Variants in ARHGAP26 observed in about 807,000 individuals in gnomAD.
ARHGAP26 encodes Rho GTPase activating protein 26.
In ARHGAP26, 38 loss-of-function variants were observed where a neutral mutation model predicts 104.8. The ratio of observed to expected loss-of-function variants is 0.36; its 90% confidence interval spans 0.28 to 0.48. The LOEUF is 0.48. Ranked by LOEUF, ARHGAP26 falls within the 20% of genes least tolerant of loss-of-function variation. The pLI, the probability that ARHGAP26 is intolerant of heterozygous loss-of-function variation, is 0.99. For missense variants in ARHGAP26, 704 were observed against 947.9 expected, an observed-to-expected ratio of 0.74 and a Z score of 3.38; for synonymous variants, 341 against 340.0, an observed-to-expected ratio of 1.00 and a Z score of -0.03.
chr5:142,961,158 A>G (rs1339379130), intron 11 of ARHGAP26, among the ~76,000 whole-genome samples: 1 of 152,144 alleles, frequency 6.6e-6, no homozygotes, highest in Non-Finnish European at 1.5e-5. Flanking sequence ...GATCAGAGCC[A>G]GGCACACAGT....
chr5:142,986,003 AT>A (rs1453496439), intron 11 of ARHGAP26, among the ~76,000 whole-genome samples: 1 of 152,112 alleles, frequency 6.6e-6, no homozygotes, highest in East Asian at 1.9e-4. Context: ...ATGATTTATA[AT>A]TCCTTTGGTA....
intron 6 of ARHGAP26, among the ~76,000 whole-genome samples, chr5:142,898,317 T>C (rs914849894): frequency 6.6e-6 from 1 of 152,192 alleles, no homozygotes; most frequent in African/African-American, 2.4e-5. Flanking sequence ...AGATTTGGAT[T>C]GCAGATAATG....
intron 11 of ARHGAP26, among the ~76,000 whole-genome samples, chr5:143,002,647 C>T (rs1040638955): frequency 6.6e-6 from 1 of 152,226 alleles, no homozygotes; most frequent in African/African-American, 2.4e-5. Flanking sequence ...CTGTCATGCA[C>T]TTGATAGCAA....
At chr5:143,162,853 C>T (rs1157855415) in intron 20 of ARHGAP26, among the ~76,000 whole-genome samples, 1 of 152,100 alleles carries the variant, frequency 6.6e-6, no homozygotes, top group East Asian at 1.9e-4. Flanking sequence ...AGACACTATT[C>T]CAGGGTACAG....
intron 11 of ARHGAP26, among the ~76,000 whole-genome samples, chr5:142,974,168 A>C (rs538399871): frequency 4.7e-5 from 7 of 149,512 alleles, no homozygotes; most frequent in African/African-American, 1.7e-4. Flanking sequence ...TTCCGTTGCT[A>C]TCCTGTTCCA....
intron 11 of ARHGAP26, among the ~76,000 whole-genome samples, chr5:142,951,296 G>A (rs2152608671): frequency 6.6e-6 from 1 of 152,308 alleles, no homozygotes. Context: ...CTGACCTCAA[G>A]TGATCCGCCC....
At chr5:143,173,699 C>T (rs1235725976) in intron 20 of ARHGAP26, among the ~76,000 whole-genome samples, 3 of 152,162 alleles carry the variant, frequency 2.0e-5, no homozygotes, top group Non-Finnish European at 4.4e-5. Context: ...GAGACTTCCC[C>T]ACCTCACCAT....
chr5:143,098,335 G>A (rs975981), intron 17 of ARHGAP26, among the ~76,000 whole-genome samples: 142,502 of 152,260 alleles, frequency 0.94, 66,808 homozygotes, highest in Non-Finnish European at 0.96. Flanking sequence ...TAACAATAAC[G>A]TAGGTGATTT....
At chr5:142,940,173 C>T (rs1471954387) in intron 11 of ARHGAP26, among the ~76,000 whole-genome samples, 2 of 152,220 alleles carry the variant, frequency 1.3e-5, no homozygotes, top group Non-Finnish European at 2.9e-5. Context: ...GCTCACCAGT[C>T]TGCGGCTGAC....
chr5:142,877,187 C>T (rs1756248885), intron 3 of ARHGAP26, among the ~76,000 whole-genome samples: 1 of 152,172 alleles, frequency 6.6e-6, no homozygotes, highest in African/African-American at 2.4e-5. Flanking sequence ...CTACTGTCTG[C>T]ATCTGAGTAT....
At chr5:142,850,082 T>C (rs1751213972) in intron 1 of ARHGAP26, among the ~76,000 whole-genome samples, 1 of 152,246 alleles carries the variant, frequency 6.6e-6, no homozygotes, top group African/African-American at 2.4e-5. Flanking sequence ...TGCTGCCTCC[T>C]GCAGCCTCAT....
rs1006193669 is a variant in ARHGAP26, at chr5:142,770,561, G to A, written c.-201G>A. On this transcript the variant is annotated 5_prime_UTR_variant, in exon 1 of 23. Transcript: ENST00000645722. ...CGCTCCGTTGCCCGCGCCCGGAACAGCAGCACCTCGGCCGGGTCCGAGCTC... is the reference window on the plus strand; with the variant it reads ...CGCTCCGTTGCCCGCGCCCGGAACAACAGCACCTCGGCCGGGTCCGAGCTC... 1 of 226,924 alleles carries A rather than the reference G, an allele frequency of 4.4e-6. No individual in the cohort carries two copies. The highest frequency in any genetic ancestry group is 8.0e-6 in the Non-Finnish European group (1 of 124,796). 14.1% of individuals were successfully genotyped at this position (226,924 alleles called of 1,614,324 possible).
In ARHGAP26 at chr5:143,084,418, C is replaced by G. The variant is rs1161363681; in HGVS notation, c.1538+26671C>G. On this transcript the variant is annotated intron_variant, in intron 17 of 22. Coordinates refer to ENST00000645722, the MANE Select transcript of ARHGAP26 (RefSeq NM_001135608.3). ...GGAATGCATGGAAAAGCTGCTCACCCTCTTTTTGTTCCCTTGAGCGGAATG... is the reference window on the plus strand; with the variant it reads ...GGAATGCATGGAAAAGCTGCTCACCGTCTTTTTGTTCCCTTGAGCGGAATG... Among the ~76,000 whole-genome samples the G allele has an allele frequency of 2.0e-5, 3 of 152,208 alleles. No individual in the cohort carries two copies. In the East Asian group the frequency reaches 5.8e-4, roughly 29 times the overall value.
chr5:142,818,924 G>A (rs554449122), intron 1 of ARHGAP26, among the ~76,000 whole-genome samples: 4 of 152,048 alleles, frequency 2.6e-5, no homozygotes, highest in Non-Finnish European at 4.4e-5. Context: ...CTCTTTTGGG[G>A]TATATCTGGG....
chr5:142,986,542 C>T (rs943801011), intron 11 of ARHGAP26, among the ~76,000 whole-genome samples: 2 of 152,106 alleles, frequency 1.3e-5, no homozygotes, highest in South Asian at 2.1e-4. Flanking sequence ...GCTTTTGTTG[C>T]TATTGCTTTT....
At chr5:142,935,926 T>C (rs830302) in intron 11 of ARHGAP26, among the ~76,000 whole-genome samples, 74,502 of 151,940 alleles carry the variant, frequency 0.49, 22,496 homozygotes, top group East Asian at 0.91. Context: ...ATGCTTTCCC[T>C]CTAAGACTAG....
chr5:142,832,328 CTGATA>C (rs1282032180), intron 1 of ARHGAP26, among the ~76,000 whole-genome samples: 1 of 152,164 alleles, frequency 6.6e-6, no homozygotes, highest in Non-Finnish European at 1.5e-5. Context: ...GGGTGAGGCC[CTGATA>C]TGATAGGATT....
intron 12 of ARHGAP26, among the ~76,000 whole-genome samples, chr5:143,031,952 C>T (rs562760833): frequency 2.1e-4 from 32 of 152,100 alleles, no homozygotes; most frequent in Non-Finnish European, 4.1e-4. Flanking sequence ...GGGTTCATAT[C>T]CTAGGCATGA....
chr5:142,822,702 T>G (rs1470968537), intron 1 of ARHGAP26, among the ~76,000 whole-genome samples: 2 of 152,164 alleles, frequency 1.3e-5, no homozygotes, highest in African/African-American at 4.8e-5. Context: ...TTAAAGTCCA[T>G]TCTAAATTAC....
Sources: gnomAD v4.1 joint callset for allele counts (sites outside exome capture counted in the v4.1 genomes callset) on GRCh38, gnomAD v4.1.1 for gene constraint, MANE v1.5 for transcripts, NCBI Gene and HGNC (gene_info 2026-07-23, HGNC 2026-07-21) for gene names.